XKR6: variants seen among roughly 807,000 people sequenced by gnomAD.
XKR6 encodes the protein XK related 6.
XKR6 carries 22 observed loss-of-function variants against 56.7 expected under a neutral mutation model. The ratio of observed to expected loss-of-function variants is 0.39; its 90% CI spans 0.28 to 0.55. The LOEUF (loss-of-function observed/expected upper bound fraction) is 0.55, where lower values mean the gene tolerates loss of function less well. Among genes scored for constraint, XKR6 ranks in the 20% least tolerant of loss-of-function variants. XKR6 has a pLI of 0.66. For missense variants in XKR6, 852 were observed against 889.0 expected (o/e 0.96, Z 0.53); for synonymous variants, 524 against 387.8 (o/e 1.35, Z -4.13).
intron 1 of XKR6, among the ~76,000 whole-genome samples, chr8:10,964,406 C>T (rs191188126): frequency 5.7e-4 from 87 of 152,218 alleles, no homozygotes; most frequent in Non-Finnish European, 4.1e-4. Flanking sequence ...CTGGAGGCTC[C>T]GAACCACTCA....
chr8:10,985,504 C>T (rs192244332), intron 1 of XKR6, among the ~76,000 whole-genome samples: 22 of 151,708 alleles, frequency 1.5e-4, no homozygotes, highest in Admixed American at 1.1e-3. Flanking sequence ...TTCCCTTAAC[C>T]GTGACACTCT....
At chr8:11,059,729 G>A (rs1440908424) in intron 1 of XKR6, among the ~76,000 whole-genome samples, 1 of 145,720 alleles carries the variant, frequency 6.9e-6, no homozygotes, top group Non-Finnish European at 1.5e-5. Context: ...TCCCCGGCCC[G>A]CGCCCCCCGG....
intron 1 of XKR6, among the ~76,000 whole-genome samples, chr8:10,939,827 C>T (rs1170482666): frequency 6.6e-6 from 1 of 152,198 alleles, no homozygotes; most frequent in Non-Finnish European, 1.5e-5. Context: ...GGGGCTGGGC[C>T]CTGCTGCCTA....
intron 1 of XKR6, among the ~76,000 whole-genome samples, chr8:11,019,853 T>C (rs1798710438): frequency 6.6e-6 from 1 of 152,094 alleles, no homozygotes; most frequent in South Asian, 2.1e-4. Context: ...CCGTGTAAGC[T>C]CAAACCCAGA....
At chr8:11,175,309 T>C (rs1802598410) in intron 1 of XKR6, 2 of 153,368 alleles carry the variant, frequency 1.3e-5, no homozygotes, top group Non-Finnish European at 1.5e-5. Context: ...TGCTTAAAAA[T>C]GGTGAAAGTC....
chr8:11,034,210 C>T (rs1248938786), intron 1 of XKR6, among the ~76,000 whole-genome samples: 1 of 152,052 alleles, frequency 6.6e-6, no homozygotes. Flanking sequence ...TGAGGGAGTT[C>T]AACAGGAAAG....
intron 1 of XKR6, among the ~76,000 whole-genome samples, chr8:10,947,079 C>T (rs995474890): frequency 2.6e-5 from 4 of 152,098 alleles, no homozygotes; most frequent in Admixed American, 6.6e-5. Flanking sequence ...TATCAGGAGG[C>T]TCACTCTGGC....
intron 1 of XKR6, among the ~76,000 whole-genome samples, chr8:10,925,760 G>C (rs1800864044): frequency 6.6e-6 from 1 of 152,204 alleles, no homozygotes; most frequent in South Asian, 2.1e-4. Flanking sequence ...AGATTAGTGA[G>C]ATGATATGCA....
chr8:10,982,185 G>C (rs957859737), intron 1 of XKR6, among the ~76,000 whole-genome samples: 4 of 152,212 alleles, frequency 2.6e-5, no homozygotes, highest in Non-Finnish European at 5.9e-5. Context: ...ATGGTAGGTG[G>C]CATAATATGT....
intron 1 of XKR6, chr8:11,002,499 C>A: frequency 2.7e-6 from 1 of 367,706 alleles, no homozygotes; most frequent in South Asian, 2.3e-5. Flanking sequence ...TCAAAGCCAA[C>A]CGATACACTG....
chr8:11,116,488 A>G (rs144192806), intron 1 of XKR6, among the ~76,000 whole-genome samples: 265 of 152,238 alleles, frequency 1.7e-3, no homozygotes, highest in African/African-American at 5.7e-3. Flanking sequence ...CTCCTGCCTT[A>G]GCCTCCTGAG....
intron 1 of XKR6, chr8:11,138,132 G>A (rs1233038918): frequency 6.2e-6 from 1 of 162,510 alleles, no homozygotes; most frequent in East Asian, 1.8e-4. Flanking sequence ...GCTCAAACCT[G>A]ACTTTAAGAC....
rs112791550 is a variant in XKR6 at position 11,200,180 on chromosome 8, T to C, written c.764+396A>G. On this transcript the variant is annotated intron_variant, in intron 1 of 2. Coordinates refer to ENST00000416569, the MANE Select transcript of XKR6 (RefSeq NM_173683.4). This position sits in a 1 kb window ranked among gnomAD's most constrained non-coding sequence, Gnocchi z 6.4. ...TGTCTCACCTGGGAACAAACCCGAA[T>C]GCAGCGGCTGGAGGAGGGAAGGCTC... is the stretch of plus-strand genomic sequence containing the variant. Among the ~76,000 whole-genome samples, 1,332 of 152,290 alleles carry C rather than the reference T, an allele frequency of 8.7e-3. 17 individuals are homozygous for C. The highest frequency in any genetic ancestry group is 0.028 in the African/African-American group (1,180 of 41,570).
intron 1 of XKR6, chr8:11,108,259 G>A: frequency 2.2e-6 from 1 of 455,978 alleles, no homozygotes; most frequent in South Asian, 1.6e-5. Flanking sequence ...AATAAGGAAG[G>A]AATTATCTGT....
chr8:10,999,544 A>C (rs1174727184), intron 1 of XKR6, among the ~76,000 whole-genome samples: 1 of 152,226 alleles, frequency 6.6e-6, no homozygotes, highest in African/African-American at 2.4e-5. Context: ...ACTGATCACC[A>C]GATTCTAGTT....
At chr8:10,977,292 G>A (rs1256007504) in intron 1 of XKR6, among the ~76,000 whole-genome samples, 2 of 152,102 alleles carry the variant, frequency 1.3e-5, no homozygotes, top group Non-Finnish European at 2.9e-5. Context: ...TAGAACCCAT[G>A]CCTCAAGGGT....
At chr8:11,123,497 C>A (rs1386273882) in intron 1 of XKR6, 2 of 212,258 alleles carry the variant, frequency 9.4e-6, no homozygotes, top group Admixed American at 1.1e-4. Flanking sequence ...ACCTTCAAGA[C>A]CAGCTGCTAC....
chr8:11,185,578 G>A (rs1018810887), intron 1 of XKR6, among the ~76,000 whole-genome samples: 1 of 152,188 alleles, frequency 6.6e-6, no homozygotes, highest in Non-Finnish European at 1.5e-5. Context: ...AGAATCAGTA[G>A]TCACTTTTAG....
intron 1 of XKR6, among the ~76,000 whole-genome samples, chr8:11,005,777 TCATATCTA>T (rs1042168762): frequency 6.6e-6 from 1 of 152,072 alleles, no homozygotes; most frequent in Non-Finnish European, 1.5e-5. Context: ...TTCCTCTTTT[TCATATCTA>T]CAGTTTTCAA....
Sources: allele counts gnomAD v4.1 joint callset (sites outside exome capture counted in the v4.1 genomes callset), GRCh38; gene constraint gnomAD v4.1.1; non-coding constraint Gnocchi (gnomAD v3.1); transcripts MANE v1.5; gene names NCBI Gene and HGNC (gene_info 2026-07-23, HGNC 2026-07-21).